EXOC4: variants seen among roughly 807,000 people sequenced by gnomAD.
EXOC4 encodes exocyst complex component 4, also known as SEC8-like 1.
Under a neutral mutation model 107.2 loss-of-function variants are expected in EXOC4, and 71 were observed. The observed-to-expected ratio is 0.66, with a 90% confidence interval of 0.55 to 0.81. The LOEUF is 0.81. Among genes scored for constraint, EXOC4 ranks in the 30% least tolerant of loss-of-function variants. The probability of loss-of-function intolerance (pLI) is 0.00; values close to 1 mark genes in which losing one functional copy is unlikely to be tolerated. For missense variants in EXOC4, 1,108 were observed against 1,189.6 expected, an observed-to-expected ratio of 0.93 and a Z score of 1.01; for synonymous variants, 456 against 441.2, an observed-to-expected ratio of 1.03 and a Z score of -0.42.
At chr7:133,789,723 T>A (rs1415514288) in intron 10 of EXOC4, among the ~76,000 whole-genome samples, 1 of 152,214 alleles carries the variant, frequency 6.6e-6, no homozygotes, top group Non-Finnish European at 1.5e-5. Flanking sequence ...GGGAAATTGT[T>A]ATTTTGGTGT....
intron 9 of EXOC4, among the ~76,000 whole-genome samples, chr7:133,526,932 A>G (rs1328162474): frequency 1.3e-5 from 2 of 151,340 alleles, no homozygotes; most frequent in East Asian, 2.0e-4. Context: ...AGATTGCGCT[A>G]CTGCACTCCA....
chr7:133,989,009 C>T (rs1794185056), intron 14 of EXOC4, among the ~76,000 whole-genome samples: 1 of 151,706 alleles, frequency 6.6e-6, no homozygotes, highest in Non-Finnish European at 1.5e-5. Flanking sequence ...TAAAAGGGGG[C>T]CAGGTAAGAA....
chr7:133,473,569 C>T (rs977608365), intron 7 of EXOC4, among the ~76,000 whole-genome samples: 3 of 151,968 alleles, frequency 2.0e-5, no homozygotes, highest in Non-Finnish European at 4.4e-5. Context: ...TCTATTTTGT[C>T]TGGTATTGGT....
intron 9 of EXOC4, among the ~76,000 whole-genome samples, chr7:133,560,840 C>A (rs574273865): frequency 1.3e-5 from 2 of 152,194 alleles, no homozygotes; most frequent in African/African-American, 4.8e-5. Context: ...ATATCTTCCA[C>A]AGAGATTAAA....
intron 10 of EXOC4, among the ~76,000 whole-genome samples, chr7:133,655,167 AT>A (rs1261988922): frequency 8.7e-6 from 1 of 114,582 alleles, no homozygotes; most frequent in Non-Finnish European, 1.8e-5. Context: ...GCTTACTGTA[AT>A]TTTTTCAACT....
At chr7:133,275,427 C>G (rs1321935825) in intron 2 of EXOC4, among the ~76,000 whole-genome samples, 1 of 152,164 alleles carries the variant, frequency 6.6e-6, no homozygotes, top group Non-Finnish European at 1.5e-5. Flanking sequence ...ATGAGACAAG[C>G]AAGATGGCCT....
At chr7:133,868,044 T>C (rs974229647) in intron 11 of EXOC4, among the ~76,000 whole-genome samples, 4 of 152,240 alleles carry the variant, frequency 2.6e-5, no homozygotes, top group Non-Finnish European at 4.4e-5. Flanking sequence ...TAAATTATAA[T>C]ACTTTAAGCT....
chr7:133,582,424 AT>A (rs1801300503), intron 9 of EXOC4, among the ~76,000 whole-genome samples: 1 of 152,186 alleles, frequency 6.6e-6, no homozygotes, highest in Non-Finnish European at 1.5e-5. Flanking sequence ...TCAAAGCCTA[AT>A]TGTTAAAGTG....
chr7:133,254,799 G>T (rs1794977676), intron 1 of EXOC4, among the ~76,000 whole-genome samples: 1 of 152,118 alleles, frequency 6.6e-6, no homozygotes, highest in African/African-American at 2.4e-5. Context: ...AGGAGTGGCT[G>T]TTTCTAATGA....
intron 9 of EXOC4, among the ~76,000 whole-genome samples, chr7:133,523,809 T>C (rs903105618): frequency 3.3e-5 from 5 of 152,196 alleles, no homozygotes; most frequent in African/African-American, 1.2e-4. Context: ...TTCCATGGTG[T>C]ATATGTGACA....
chr7:133,916,452 G>C (rs1414871835), intron 12 of EXOC4, among the ~76,000 whole-genome samples: 1 of 151,998 alleles, frequency 6.6e-6, no homozygotes, highest in Non-Finnish European at 1.5e-5. Flanking sequence ...TTTTTGTTTT[G>C]TAGAGAAGGT....
intron 14 of EXOC4, among the ~76,000 whole-genome samples, chr7:133,956,318 A>T (rs985220509): frequency 2.0e-5 from 3 of 152,168 alleles, no homozygotes; most frequent in Non-Finnish European, 2.9e-5. Flanking sequence ...AGGCGGCTCA[A>T]ATAGGATGGG....
At chr7:133,298,641 G>A (rs189991823) in intron 3 of EXOC4, among the ~76,000 whole-genome samples, 1 of 152,026 alleles carries the variant, frequency 6.6e-6, no homozygotes, top group African/African-American at 2.4e-5. Context: ...TTCTCTTACC[G>A]TGTTACGTAT....
At chr7:133,424,377 A>G (rs745625407) in intron 7 of EXOC4, among the ~76,000 whole-genome samples, 16 of 152,126 alleles carry the variant, frequency 1.1e-4, no homozygotes, top group Non-Finnish European at 2.2e-4. Context: ...TAAGAGCTGT[A>G]ACACTCACCG....
chr7:133,331,005 A>G (rs1390846025), intron 5 of EXOC4, among the ~76,000 whole-genome samples: 1 of 151,924 alleles, frequency 6.6e-6, no homozygotes, highest in Admixed American at 6.6e-5. Context: ...AAATGATGCA[A>G]CAGGCCTATG....
chr7:133,287,317 A>G (rs1372386016), intron 2 of EXOC4, among the ~76,000 whole-genome samples: 3 of 151,676 alleles, frequency 2.0e-5, no homozygotes, highest in East Asian at 1.9e-4. Context: ...ATATATATGT[A>G]TATTTTTTTT....
chr7:133,327,225 A>G (rs1171916052), intron 5 of EXOC4, among the ~76,000 whole-genome samples: 5 of 152,146 alleles, frequency 3.3e-5, no homozygotes, highest in Non-Finnish European at 5.9e-5. Context: ...TCCTGCCCCC[A>G]CTGTCCGACA....
At chr7:134,026,397 GC>G (rs1795138282) in intron 17 of EXOC4, among the ~76,000 whole-genome samples, 1 of 151,654 alleles carries the variant, frequency 6.6e-6, no homozygotes, top group South Asian at 2.1e-4. Flanking sequence ...CCAGAGGAAT[GC>G]AGCATTCTGA....
At chr7:133,588,267 A>G (rs963830102) in intron 9 of EXOC4, among the ~76,000 whole-genome samples, 6 of 152,230 alleles carry the variant, frequency 3.9e-5, no homozygotes. Flanking sequence ...ATTCCAAAAA[A>G]GGAATTAAAT....
Sources: allele counts gnomAD v4.1 joint callset (sites outside exome capture counted in the v4.1 genomes callset), GRCh38; gene constraint gnomAD v4.1.1; transcripts MANE v1.5; gene names NCBI Gene and HGNC (gene_info 2026-07-23, HGNC 2026-07-21).